CRISP2: variants seen among roughly 807,000 people sequenced by gnomAD.
The protein encoded by CRISP2 is cysteine-rich secretory protein 2.
In CRISP2, 29 loss-of-function variants were observed where a neutral mutation model predicts 31.7. The observed-to-expected ratio is 0.92, with a 90% CI of 0.68 to 1.25. CRISP2 has a LOEUF of 1.25. Ranked by LOEUF, CRISP2 falls within the 50% of genes most tolerant of loss-of-function variation. The probability of loss-of-function intolerance (pLI) is 0.00; values close to 1 mark genes in which losing one functional copy is unlikely to be tolerated. For missense variants in CRISP2, 318 were observed against 286.5 expected, an observed-to-expected ratio of 1.11 and a Z score of -0.79; for synonymous variants, 111 against 101.4, an observed-to-expected ratio of 1.09 and a Z score of -0.57.
intron 3 of CRISP2, among the ~76,000 whole-genome samples, chr6:49,709,987 C>T (rs1464044109): frequency 6.6e-6 from 1 of 152,100 alleles, no homozygotes. Context: ...ACAACAAGAC[C>T]ACTTAGTTTT....
At chr6:49,707,491 A>G (rs1043575888) in intron 4 of CRISP2, among the ~76,000 whole-genome samples, 1 of 152,172 alleles carries the variant, frequency 6.6e-6, no homozygotes, top group African/African-American at 2.4e-5. Flanking sequence ...TCACTTTTTA[A>G]TAATTTTATA....
At chr6:49,710,290 A>G (rs1767789260) in intron 3 of CRISP2, among the ~76,000 whole-genome samples, 1 of 152,114 alleles carries the variant, frequency 6.6e-6, no homozygotes, top group South Asian at 2.1e-4. Flanking sequence ...TCACTCCCAT[A>G]CCTTACTGGG....
chr6:49,680,452 G>T, the CRISP2 span, among the ~76,000 whole-genome samples: 1 of 152,092 alleles, frequency 6.6e-6, no homozygotes, highest in African/African-American at 2.4e-5. Context: ...GAATAGTGCT[G>T]CAATTAACAT....
intron 4 of CRISP2, among the ~76,000 whole-genome samples, chr6:49,706,415 A>G (rs773129896): frequency 5.3e-5 from 8 of 152,218 alleles, no homozygotes; most frequent in Non-Finnish European, 1.2e-4. Context: ...GATCAAATCT[A>G]TCTAATGAAT....
intron 4 of CRISP2, among the ~76,000 whole-genome samples, chr6:49,707,683 C>A (rs1056405508): frequency 9.2e-5 from 14 of 152,172 alleles, no homozygotes; most frequent in African/African-American, 3.4e-4. Context: ...TTTCTGAATG[C>A]CAAATGAAGT....
At chr6:49,710,093 C>G (rs1279553193) in intron 3 of CRISP2, among the ~76,000 whole-genome samples, 1 of 152,152 alleles carries the variant, frequency 6.6e-6, no homozygotes, top group Non-Finnish European at 1.5e-5. Context: ...GTGAGACTGT[C>G]ACTCCCAAAT....
chr6:49,691,974 G>T (rs965243146), downstream of CRISP2, among the ~76,000 whole-genome samples: 8 of 152,058 alleles, frequency 5.3e-5, no homozygotes, highest in African/African-American at 1.9e-4. Context: ...TATAAGATGG[G>T]CTTACTTTAC....
chr6:49,688,586 A>G (rs1199163344), downstream of CRISP2, among the ~76,000 whole-genome samples: 1 of 152,086 alleles, frequency 6.6e-6, no homozygotes, highest in East Asian at 1.9e-4. Context: ...AACAGATCTT[A>G]CTCTGTTAAT....
chr6:49,682,157 T>C, the CRISP2 span, among the ~76,000 whole-genome samples: 1 of 152,316 alleles, frequency 6.6e-6, no homozygotes, highest in East Asian at 1.9e-4. Flanking sequence ...TTTTGACACT[T>C]TTGGTGGACC....
chr6:49,688,827 C>A (rs1763963427), downstream of CRISP2, among the ~76,000 whole-genome samples: 2 of 152,104 alleles, frequency 1.3e-5, no homozygotes, highest in South Asian at 4.1e-4. Context: ...TCTGAGTAAA[C>A]ACTAGCTGTA....
chr6:49,679,760 C>A, the CRISP2 span, among the ~76,000 whole-genome samples: 3 of 151,856 alleles, frequency 2.0e-5, no homozygotes, highest in Non-Finnish European at 4.4e-5. Context: ...GACTGGAATG[C>A]AGTGGCACGA....
At chr6:49,704,842 T>C (rs997263621) in intron 4 of CRISP2, among the ~76,000 whole-genome samples, 2 of 152,180 alleles carry the variant, frequency 1.3e-5, no homozygotes, top group Non-Finnish European at 2.9e-5. Flanking sequence ...AATAGTGAAG[T>C]TGTCATGTGG....
rs944459053 is a variant in CRISP2 at position 49,709,353 on chromosome 6, A to G, written c.-9-148T>C. The G allele has an allele frequency of 5.8e-6, 4 of 690,054 alleles. No homozygotes were observed. In the South Asian group the frequency reaches 7.8e-5, roughly 13 times the overall value. 42.7% of individuals were successfully genotyped at this position (690,054 alleles called of 1,614,324 possible). A position where few individuals can be genotyped will look rare whatever the true frequency, so the allele number is the denominator to read the frequency against. On this transcript the variant is annotated intron_variant, in intron 3 of 9. Coordinates refer to ENST00000339139, the MANE Select transcript of CRISP2 (RefSeq NM_003296.4). ...AATGGAACAAAAGAAGAATTGCCCT[A>G]TGGTACTAGTAGAATCATAATGAGG...
At chr6:49,695,176 T>C (rs1764539523) in intron 9 of CRISP2, among the ~76,000 whole-genome samples, 1 of 152,188 alleles carries the variant, frequency 6.6e-6, no homozygotes, top group South Asian at 2.1e-4. Flanking sequence ...TTACTTCTAT[T>C]CATGGCAATT....
At chr6:49,697,630 A>G (rs1311157389) in intron 8 of CRISP2, 1 of 1,188,794 alleles carries the variant, frequency 8.4e-7, no homozygotes, top group Admixed American at 2.1e-5. Flanking sequence ...ATTGAAAGAA[A>G]AGACATTATT....
chr6:49,710,990 AC>A (rs1767909680), intron 3 of CRISP2, among the ~76,000 whole-genome samples: 1 of 152,010 alleles, frequency 6.6e-6, no homozygotes, highest in African/African-American at 2.4e-5. Flanking sequence ...CAAAAACAAA[AC>A]ATAATTAGCT....
chr6:49,682,740 T>A, the CRISP2 span, among the ~76,000 whole-genome samples: 1 of 147,620 alleles, frequency 6.8e-6, no homozygotes, highest in African/African-American at 2.5e-5. Context: ...TTTCTTTCTT[T>A]TTTCTTCCTT....
In CRISP2 at chr6:49,696,582, TAAAGTA is replaced by T. The variant is rs776390007; in HGVS notation, c.516-664_516-659del. Among the ~76,000 whole-genome samples the T allele has an allele frequency of 7.0e-3, 621 of 88,668 alleles. 8 individuals are homozygous for T. The highest frequency in any genetic ancestry group is 0.015 in the African/African-American group (466 of 31,080). The allele number at this position is 88,668 out of a possible 152,430, so 58.2% of individuals were successfully genotyped here. The stretch of plus-strand genomic sequence containing the variant: ...TATTAGTTTTTGTTATCCCAGAACT[TAAAGTA>T]AAAAAAAAAAAAAGAAAAAAAGATT... On this transcript the variant is annotated intron_variant, in intron 8 of 9. Transcript: ENST00000339139.
chr6:49,700,934 A>G (rs1454365749), intron 4 of CRISP2, 150 bp from the exon 5 acceptor site: 2 of 512,306 alleles, frequency 3.9e-6, no homozygotes, highest in Non-Finnish European at 6.8e-6. Flanking sequence ...TATTTAAATA[A>G]TAAAAGCCAA....
Sources: allele counts gnomAD v4.1 joint callset (sites outside exome capture counted in the v4.1 genomes callset), GRCh38; gene constraint gnomAD v4.1.1; transcripts MANE v1.5; gene names NCBI Gene and HGNC (gene_info 2026-07-23, HGNC 2026-07-21).